FLRT2: variants seen among roughly 807,000 people sequenced by gnomAD.
FLRT2 encodes the protein fibronectin leucine rich transmembrane protein 2.
Under a neutral mutation model 40.0 loss-of-function variants are expected in FLRT2, and 15 were observed. The observed-to-expected ratio is 0.38, with a 90% CI of 0.25 to 0.58. FLRT2 has a LOEUF of 0.58. Ranked by LOEUF, FLRT2 falls within the 20% of genes least tolerant of loss-of-function variation. FLRT2 has a pLI of 0.71. For synonymous variants in FLRT2, 380 were observed against 336.8 expected (o/e 1.13, Z -1.41); for missense variants, 726 against 840.0 (o/e 0.86, Z 1.68).
chr14:85,588,225 A>G (rs79460871), intron 1 of FLRT2, among the ~76,000 whole-genome samples: 3,899 of 152,216 alleles, frequency 0.026, 159 homozygotes, highest in African/African-American at 0.09. Flanking sequence ...TCTTCTCCTC[A>G]CATCTTGTTA....
chr14:85,625,672 G>A lies in FLRT2; in HGVS notation c.*2175G>A, dbSNP rs1271143025. On this transcript the variant is annotated 3_prime_UTR_variant, in exon 2 of 2. Transcript: ENST00000330753. ...AAAAGAGTCTGTGAAGGTGATCAGTGTAGCAGTAAGACATCTAAAATCAAG... is the reference window on the plus strand; with the variant it reads ...AAAAGAGTCTGTGAAGGTGATCAGTATAGCAGTAAGACATCTAAAATCAAG... The A allele has an allele frequency of 6.0e-6, 1 of 167,096 alleles. No individual in the cohort carries two copies. Among genetic ancestry groups the A allele is most frequent in the African/African-American group, 2.4e-5 (1 of 41,448 alleles). 10.4% of individuals were successfully genotyped at this position (167,096 alleles called of 1,614,324 possible). A position where few individuals can be genotyped will look rare whatever the true frequency, so the allele number is the denominator to read the frequency against.
intron 1 of FLRT2, among the ~76,000 whole-genome samples, chr14:85,607,174 C>CT (rs139572467): frequency 0.021 from 3,259 of 152,074 alleles, 60 homozygotes; most frequent in South Asian, 0.081. Flanking sequence ...TTGCTCAACC[C>CT]AAGCCATCAG....
chr14:85,548,708 A>T (rs1339523543), intron 1 of FLRT2, among the ~76,000 whole-genome samples: 2 of 150,502 alleles, frequency 1.3e-5, no homozygotes, highest in African/African-American at 4.9e-5. Flanking sequence ...AGCTGTGTAA[A>T]TGATACAAAC....
In FLRT2 at chr14:85,643,836, C is replaced by T. The variant is rs1566774751; in HGVS notation, c.*20339C>T. Reference sequence around the variant, plus strand: ...GAATCCTGGAGTGACAGAGAACAAACGACAACATTTAGTCCAGTTGCAGCA... The same window carrying T: ...GAATCCTGGAGTGACAGAGAACAAATGACAACATTTAGTCCAGTTGCAGCA... On this transcript the variant is annotated 3_prime_UTR_variant, in exon 2 of 2. Coordinates refer to ENST00000330753, the MANE Select transcript of FLRT2 (RefSeq NM_013231.6). 4 of 152,158 alleles carry T rather than the reference C, an allele frequency of 2.6e-5. No individual in the cohort carries two copies. The highest frequency in any genetic ancestry group is 7.2e-5 in the African/African-American group (3 of 41,424). The allele number at this position is 152,158 out of a possible 1,614,324, so 9.4% of individuals were successfully genotyped here.
In FLRT2 at chr14:85,641,107, A is replaced by G. The variant is rs1337419180; in HGVS notation, c.*17610A>G. The G allele has an allele frequency of 1.3e-5, 2 of 152,326 alleles. No homozygotes were observed. The highest frequency in any genetic ancestry group is 3.9e-4 in the East Asian group (2 of 5,182). 9.4% of individuals were successfully genotyped at this position (152,326 alleles called of 1,614,324 possible). On this transcript the variant is annotated 3_prime_UTR_variant, in exon 2 of 2. Transcript: ENST00000330753. The stretch of plus-strand genomic sequence containing the variant: ...CTATGACTTATTTCTGCGAAAACCC[A>G]CGAAAGTGAAAACTAACAATAGAGA...
At position 85,637,352 on chromosome 14, in the gene FLRT2, C is replaced by G. The variant is rs1894035729; in HGVS notation, c.*13855C>G. ...TTTGGCGTTCAAATATTGACTCATT[C>G]ACTTACCAGCTGTGTTCTCCAGTCA... On this transcript the variant is annotated 3_prime_UTR_variant, in exon 2 of 2. Coordinates refer to ENST00000330753, the MANE Select transcript of FLRT2 (RefSeq NM_013231.6). The G allele has an allele frequency of 6.6e-6, 1 of 152,168 alleles. No homozygotes were observed. The highest frequency in any genetic ancestry group is 1.5e-5 in the Non-Finnish European group (1 of 68,036). The allele number at this position is 152,168 out of a possible 1,614,324, so 9.4% of individuals were successfully genotyped here. A position where few individuals can be genotyped will look rare whatever the true frequency, so the allele number is the denominator to read the frequency against.
Position 85,535,892 on chromosome 14 carries a change from GTTTTTTTTTTTTTTTT to G in FLRT2, c.-377+5372_-377+5387del, listed in dbSNP as rs71454768. ...ACAAACCTAGCATGGAAGGAATGCT[GTTTTTTTTTTTTTTTT>G]TTTTTTTTTTTTTGTTGTTGTTGTT... On this transcript the variant is annotated intron_variant, in intron 1 of 1. Transcript: ENST00000330753. Among the ~76,000 whole-genome samples the G allele has an allele frequency of 2.8e-3, 164 of 57,908 alleles. 2 individuals are homozygous for G. The highest frequency in any genetic ancestry group is 9.1e-3 in the African/African-American group (161 of 17,680). 38.0% of individuals were successfully genotyped at this position (57,908 alleles called of 152,430 possible).
Position 85,622,696 on chromosome 14 carries a change from C to G in FLRT2, c.1182C>G (p.Ser394Arg), listed in dbSNP as rs752298735. The change falls in exon 2 of 2, where the codon AGC (serine) becomes AGG (arginine). Residue 394 changes from serine (S) to arginine (R), a missense_variant. By Grantham distance (110) the Ser-to-Arg change is moderately radical (BLOSUM62 -1). This residue lies in a region of FLRT2 where 611 missense variants were observed against 690.0 expected (regional missense o/e 0.89). Transcript: ENST00000330753. ...TCTCTATTCCAAACCCTAGCAGAAG[C>G]TACACGCCTCCAACTCCTACCACAT... ...PTLSIPNPSR[S>R]YTPPTPTTSK... 1.2e-6 allele frequency: 2 copies of G among 1,614,114 alleles called. No individual in the cohort carries two copies. Among genetic ancestry groups the G allele is most frequent in the Non-Finnish European group, 1.7e-6 (2 of 1,180,022 alleles).
At chr14:85,599,207 G>A (rs905068855) in intron 1 of FLRT2, among the ~76,000 whole-genome samples, 17 of 134,364 alleles carry the variant, frequency 1.3e-4, no homozygotes, top group African/African-American at 2.9e-4. Context: ...GGCGTGAGCC[G>A]CTGCGCCTGG....
chr14:85,606,771 C>T (rs1370173897), intron 1 of FLRT2, among the ~76,000 whole-genome samples: 1 of 151,128 alleles, frequency 6.6e-6, no homozygotes, highest in African/African-American at 2.4e-5. Flanking sequence ...CATCTGCTTG[C>T]CTCAGCCTCC....
In FLRT2 at chr14:85,649,184, T is replaced by C. The variant is rs967546919; in HGVS notation, c.*25687T>C. Reference sequence around the variant, plus strand: ...TTAGAATCTGGAAATTTACAAACTATTAATTTTCTTTTCTACAGTTTCCTC... The same window carrying C: ...TTAGAATCTGGAAATTTACAAACTACTAATTTTCTTTTCTACAGTTTCCTC... On this transcript the variant is annotated 3_prime_UTR_variant, in exon 2 of 2. Transcript: ENST00000330753. 1 of 152,016 alleles carries C rather than the reference T, an allele frequency of 6.6e-6. No individual in the cohort carries two copies. The highest frequency in any genetic ancestry group is 1.5e-5 in the Non-Finnish European group (1 of 68,002). 9.4% of individuals were successfully genotyped at this position (152,016 alleles called of 1,614,324 possible). A position where few individuals can be genotyped will look rare whatever the true frequency, so the allele number is the denominator to read the frequency against.
rs1250836339 is a variant in FLRT2 at position 85,631,290 on chromosome 14, C to A, written c.*7793C>A. 6.6e-6 allele frequency: 1 copy of A among 151,586 alleles called. No homozygotes were observed. The highest frequency in any genetic ancestry group is 1.5e-5 in the Non-Finnish European group (1 of 67,980). 9.4% of individuals were successfully genotyped at this position (151,586 alleles called of 1,614,324 possible). On this transcript the variant is annotated 3_prime_UTR_variant, in exon 2 of 2. Transcript: ENST00000330753. ...AAGTCAAAGACCTCTCTTCCAAAGC[C>A]GCTGGAATCACACCTGCCAATTATC... is the stretch of plus-strand genomic sequence containing the variant.
At chr14:85,530,885 A>G (rs1239227092) in intron 1 of FLRT2, among the ~76,000 whole-genome samples, 1 of 151,988 alleles carries the variant, frequency 6.6e-6, no homozygotes, top group Admixed American at 6.5e-5. Flanking sequence ...ACTTCCCTAG[A>G]TTGAATCTCT....
chr14:85,558,371 G>T (rs183734997), intron 1 of FLRT2, among the ~76,000 whole-genome samples: 1 of 152,012 alleles, frequency 6.6e-6, no homozygotes, highest in Non-Finnish European at 1.5e-5. Flanking sequence ...AAGAAAAACC[G>T]AGTAGGTGGG....
chr14:85,574,089 C>T (rs546192352), intron 1 of FLRT2, among the ~76,000 whole-genome samples: 3 of 152,226 alleles, frequency 2.0e-5, no homozygotes, highest in East Asian at 1.9e-4. Flanking sequence ...CCCAGGAAAC[C>T]GTGAAGCATA....
chr14:85,551,199 G>A (rs1054642008), intron 1 of FLRT2, among the ~76,000 whole-genome samples: 1 of 152,150 alleles, frequency 6.6e-6, no homozygotes, highest in African/African-American at 2.4e-5. Context: ...AGAAAATGAA[G>A]AAATTTAAAC....
chr14:85,545,243 G>A (rs759300059), intron 1 of FLRT2, among the ~76,000 whole-genome samples: 26 of 152,100 alleles, frequency 1.7e-4, no homozygotes, highest in Non-Finnish European at 2.9e-4. Flanking sequence ...GATATTGATC[G>A]TAAGGTTTAT....
intron 1 of FLRT2, among the ~76,000 whole-genome samples, chr14:85,617,638 A>G (rs1230237588): frequency 6.6e-6 from 1 of 152,168 alleles, no homozygotes; most frequent in Non-Finnish European, 1.5e-5. Flanking sequence ...AATGTAGAAA[A>G]TCATTATGGC....
chr14:85,547,448 C>T (rs536915365), intron 1 of FLRT2, among the ~76,000 whole-genome samples: 3 of 151,892 alleles, frequency 2.0e-5, no homozygotes, highest in African/African-American at 4.8e-5. Context: ...CTCAGCTTCC[C>T]GAGTAGCTGG....
Sources: allele counts gnomAD v4.1 joint callset (sites outside exome capture counted in the v4.1 genomes callset), GRCh38; gene constraint gnomAD v4.1.1; regional missense constraint gnomAD v4.1.1; transcripts MANE v1.5; gene names NCBI Gene and HGNC (gene_info 2026-07-23, HGNC 2026-07-21).